Variants in NOPCHAP1 observed in about 807,000 individuals in gnomAD.
The protein encoded by NOPCHAP1 is NOP protein chaperone 1.
Under a neutral mutation model 14.0 loss-of-function variants are expected in NOPCHAP1, and 13 were observed. That is an observed-to-expected ratio of 0.93 (90% CI 0.60 to 1.47). The LOEUF is 1.47. NOPCHAP1 is among the 40% of genes most tolerant of loss of function. NOPCHAP1 has a pLI of 0.00. For synonymous variants in NOPCHAP1, 78 were observed against 78.4 expected, an observed-to-expected ratio of 1.00 and a Z score of 0.03; for missense variants, 230 against 226.9, an observed-to-expected ratio of 1.01 and a Z score of -0.09.
In NOPCHAP1 at chr12:104,986,378, C is replaced by A. The variant is rs935241447; in HGVS notation, c.26C>A (p.Ala9Asp). The change falls in exon 1 of 4, where the codon GCT (alanine) becomes GAT (aspartate). Residue 9 changes from alanine (A) to aspartate (D), a missense_variant. Physicochemically the swap from Ala to Asp is moderately radical, Grantham distance 126 (BLOSUM62 -2). Transcript: ENST00000552951. ...ATGGAGGTCCATGGCAAGCCCAAGG[C>A]TAGCCCGAGTTGTTCGTCGCCCACC... Reference protein sequence around the residue: MEVHGKPKASPSCSSPTRD... With the variant: MEVHGKPKDSPSCSSPTRD... 1.2e-6 allele frequency: 2 copies of A among 1,611,204 alleles called. No homozygotes were observed. The highest frequency in any genetic ancestry group is 8.5e-7 in the Non-Finnish European group (1 of 1,178,894).
rs574097587 is a variant in NOPCHAP1 at position 105,015,217 on chromosome 12, G to A, written c.*20521G>A. ...AAAGAGTACACCAGAACTGTACACA[G>A]CCGTGATGAGTTATTGGCATAGGTA... On this transcript the variant is annotated 3_prime_UTR_variant, in exon 4 of 4. Coordinates refer to ENST00000552951, the MANE Select transcript of NOPCHAP1 (RefSeq NM_152318.3). 2.0e-5 allele frequency: 3 copies of A among 152,308 alleles called. No individual in the cohort carries two copies. In the South Asian group the frequency reaches 6.2e-4, roughly 32 times the overall value. The allele number at this position is 152,308 out of a possible 1,614,324, so 9.4% of individuals were successfully genotyped here. A position where few individuals can be genotyped will look rare whatever the true frequency, so the allele number is the denominator to read the frequency against.
At chr12:104,989,604 A>T (rs1244027090) in intron 2 of NOPCHAP1, among the ~76,000 whole-genome samples, 1 of 151,922 alleles carries the variant, frequency 6.6e-6, no homozygotes, top group Admixed American at 6.6e-5. Context: ...TGCCCTTTGT[A>T]GTTTTCTTTG....
rs1482041045 is a variant in NOPCHAP1, at chr12:105,003,601, C to T, written c.*8905C>T. ...CATTCATTTGGTCACTAGGGTGCTC[C>T]TGGGCGGTTGTTGGAAGTCGCCTTT... On this transcript the variant is annotated 3_prime_UTR_variant, in exon 4 of 4. Transcript: ENST00000552951. 2 of 152,186 alleles carry T rather than the reference C, an allele frequency of 1.3e-5. No homozygotes were observed. Among genetic ancestry groups the T allele is most frequent in the East Asian group, 1.9e-4 (1 of 5,202 alleles). The allele number at this position is 152,186 out of a possible 1,614,324, so 9.4% of individuals were successfully genotyped here.
At position 104,995,077 on chromosome 12, in the gene NOPCHAP1, T is replaced by C. The variant is rs4318051; in HGVS notation, c.*381T>C. Reference sequence around the variant, plus strand: ...GATCTAAGGAGATCTAAGGCTGCCTTGTCCGATGGGCTGAGGCTTGGCTGT... The same window carrying C: ...GATCTAAGGAGATCTAAGGCTGCCTCGTCCGATGGGCTGAGGCTTGGCTGT... On this transcript the variant is annotated 3_prime_UTR_variant, in exon 4 of 4. Coordinates refer to ENST00000552951, the MANE Select transcript of NOPCHAP1 (RefSeq NM_152318.3). 0.28 allele frequency: 62,746 copies of C among 220,798 alleles called. 11,317 individuals are homozygous for C. Among genetic ancestry groups the C allele is most frequent in the African/African-American group, 0.56 (23,246 of 41,600 alleles). 13.7% of individuals were successfully genotyped at this position (220,798 alleles called of 1,614,324 possible). A position where few individuals can be genotyped will look rare whatever the true frequency, so the allele number is the denominator to read the frequency against.
Position 104,996,065 on chromosome 12 carries a change from G to C in NOPCHAP1, c.*1369G>C, listed in dbSNP as rs1304109772. The C allele has an allele frequency of 6.6e-6, 1 of 152,104 alleles. No homozygotes were observed. The highest frequency in any genetic ancestry group is 1.5e-5 in the Non-Finnish European group (1 of 68,022). 9.4% of individuals were successfully genotyped at this position (152,104 alleles called of 1,614,324 possible). A position where few individuals can be genotyped will look rare whatever the true frequency, so the allele number is the denominator to read the frequency against. On this transcript the variant is annotated 3_prime_UTR_variant, in exon 4 of 4. Transcript: ENST00000552951. ...TCAATTGCTGACCATTTTAGACTCT[G>C]ATAATAGGAGGTATTTATGGGGACT...
Position 105,000,157 on chromosome 12 carries a change from A to T in NOPCHAP1, c.*5461A>T, listed in dbSNP as rs1873581227. 1.3e-5 allele frequency: 2 copies of T among 152,208 alleles called. No homozygotes were observed. The highest frequency in any genetic ancestry group is 2.4e-5 in the African/African-American group (1 of 41,458). 9.4% of individuals were successfully genotyped at this position (152,208 alleles called of 1,614,324 possible). ...ATAGTCCCCAAGTCTTGAGTATGTGATACCTGGAAGCATAATATACCTTTT... is the reference window on the plus strand; with the variant it reads ...ATAGTCCCCAAGTCTTGAGTATGTGTTACCTGGAAGCATAATATACCTTTT... On this transcript the variant is annotated 3_prime_UTR_variant, in exon 4 of 4. Transcript: ENST00000552951.
At position 105,009,387 on chromosome 12, in the gene NOPCHAP1, C is replaced by G. The variant is rs1027095331; in HGVS notation, c.*14691C>G. ...TTTTGGGCTAAGATGATGGGGTTTT[C>G]TAAATATCATGTCATCTGCAAACAG... On this transcript the variant is annotated 3_prime_UTR_variant, in exon 4 of 4. Transcript: ENST00000552951. The G allele has an allele frequency of 2.0e-5, 3 of 151,940 alleles. No individual in the cohort carries two copies. The highest frequency in any genetic ancestry group is 4.4e-5 in the Non-Finnish European group (3 of 67,890). 9.4% of individuals were successfully genotyped at this position (151,940 alleles called of 1,614,324 possible).
At position 105,003,242 on chromosome 12, in the gene NOPCHAP1, A is replaced by T. The variant is rs558971934; in HGVS notation, c.*8546A>T. ...AACTTTCCCACTGTGGGCCACTGGA[A>T]TTCTAATTTTTTTTGTGTGTGTGTG... On this transcript the variant is annotated 3_prime_UTR_variant, in exon 4 of 4. Transcript: ENST00000552951. The T allele has an allele frequency of 6.6e-6, 1 of 152,330 alleles. No homozygotes were observed. Among genetic ancestry groups the T allele is most frequent in the East Asian group, 1.9e-4 (1 of 5,190 alleles). The allele number at this position is 152,330 out of a possible 1,614,324, so 9.4% of individuals were successfully genotyped here.
rs574386787 is a variant in NOPCHAP1, at chr12:105,008,161, G to A, written c.*13465G>A. On this transcript the variant is annotated 3_prime_UTR_variant, in exon 4 of 4. Coordinates refer to ENST00000552951, the MANE Select transcript of NOPCHAP1 (RefSeq NM_152318.3). ...TTTCTCCACATCCCCTCCAGCATCTGTTGTTTCCTGACTTTTTAATGATCG... is the reference window on the plus strand; with the variant it reads ...TTTCTCCACATCCCCTCCAGCATCTATTGTTTCCTGACTTTTTAATGATCG... 7 of 152,200 alleles carry A rather than the reference G, an allele frequency of 4.6e-5. No homozygotes were observed. Among genetic ancestry groups the A allele is most frequent in the African/African-American group, 1.7e-4 (7 of 41,444 alleles). The allele number at this position is 152,200 out of a possible 1,614,324, so 9.4% of individuals were successfully genotyped here.
In NOPCHAP1 at chr12:105,009,534, T is replaced by G. The variant is rs937035910; in HGVS notation, c.*14838T>G. 1 of 152,132 alleles carries G rather than the reference T, an allele frequency of 6.6e-6. No individual in the cohort carries two copies. Among genetic ancestry groups the G allele is most frequent in the African/African-American group, 2.4e-5 (1 of 41,436 alleles). 9.4% of individuals were successfully genotyped at this position (152,132 alleles called of 1,614,324 possible). Reference sequence around the variant, plus strand: ...GAGTGGTGAGAGAGGGCATCCTTGTTTTGTGCTGGTTTTCAAAGGGAATGC... The same window carrying G: ...GAGTGGTGAGAGAGGGCATCCTTGTGTTGTGCTGGTTTTCAAAGGGAATGC... On this transcript the variant is annotated 3_prime_UTR_variant, in exon 4 of 4. Transcript: ENST00000552951.
intron 1 of NOPCHAP1, 99 bp downstream of exon 1, chr12:104,986,566 C>G (rs1873241026): frequency 9.7e-7 from 1 of 1,026,808 alleles, no homozygotes; most frequent in African/African-American, 1.7e-5. Context: ...TGCCCGGGCT[C>G]CGTACCCTCG....
At position 105,002,034 on chromosome 12, in the gene NOPCHAP1, G is replaced by T. The variant is rs553377224; in HGVS notation, c.*7338G>T. 8.5e-5 allele frequency: 13 copies of T among 152,250 alleles called. No individual in the cohort carries two copies. The highest frequency in any genetic ancestry group is 4.2e-4 in the South Asian group (2 of 4,818). 9.4% of individuals were successfully genotyped at this position (152,250 alleles called of 1,614,324 possible). On this transcript the variant is annotated 3_prime_UTR_variant, in exon 4 of 4. Transcript: ENST00000552951. ...GTTAAGACCTTGTGGACTCATTCTA[G>T]TGGGGAAATAGTATGGCCCCAAGGA...
intron 3 of NOPCHAP1, among the ~76,000 whole-genome samples, 183 bp downstream of exon 3, chr12:104,992,031 G>GTT (rs998042485): frequency 1.3e-5 from 2 of 151,906 alleles, no homozygotes; most frequent in African/African-American, 4.8e-5. Context: ...TCACAGGAAG[G>GTT]TTTTTTTTCC....
At chr12:104,987,750 A>G (rs188514856) in intron 1 of NOPCHAP1, among the ~76,000 whole-genome samples, 23 of 152,318 alleles carry the variant, frequency 1.5e-4, no homozygotes, top group Admixed American at 1.4e-3. Context: ...ATGTTTTACT[A>G]ATGAAGAAAC....
rs1404647888 is a variant in NOPCHAP1, at chr12:105,016,077, T to C, written c.*21381T>C. 1 of 150,464 alleles carries C rather than the reference T, an allele frequency of 6.6e-6. No individual in the cohort carries two copies. The highest frequency in any genetic ancestry group is 2.1e-4 in the South Asian group (1 of 4,796). The allele number at this position is 150,464 out of a possible 1,614,324, so 9.3% of individuals were successfully genotyped here. A position where few individuals can be genotyped will look rare whatever the true frequency, so the allele number is the denominator to read the frequency against. Reference sequence around the variant, plus strand: ...ATTCATCCCCATAAATATTAAAAACTAGTGTGTTGCAAATAAATTCAAAAG... The same window carrying C: ...ATTCATCCCCATAAATATTAAAAACCAGTGTGTTGCAAATAAATTCAAAAG... On this transcript the variant is annotated 3_prime_UTR_variant, in exon 4 of 4. Coordinates refer to ENST00000552951, the MANE Select transcript of NOPCHAP1 (RefSeq NM_152318.3).
chr12:104,988,355 T>C, intron 2 of NOPCHAP1, 102 bp downstream of exon 2: 1 of 841,716 alleles, frequency 1.2e-6, no homozygotes, highest in Non-Finnish European at 1.9e-6. Context: ...AAACCACAGA[T>C]AGTCCAGTGG....
intron 2 of NOPCHAP1, among the ~76,000 whole-genome samples, chr12:104,991,032 G>T (rs1220269999): frequency 6.6e-6 from 1 of 152,164 alleles, no homozygotes; most frequent in African/African-American, 2.4e-5. Context: ...CAGTTTATCA[G>T]CAGCTTCAGC....
intron 2 of NOPCHAP1, among the ~76,000 whole-genome samples, chr12:104,990,743 G>A (rs1873357228): frequency 6.6e-6 from 1 of 152,160 alleles, no homozygotes; most frequent in Non-Finnish European, 1.5e-5. Context: ...CTCTTTTATG[G>A]ATTAGTACGC....
At position 104,996,260 on chromosome 12, in the gene NOPCHAP1, C is replaced by T. The variant is rs1275988425; in HGVS notation, c.*1564C>T. The T allele has an allele frequency of 1.3e-5, 2 of 152,134 alleles. No homozygotes were observed. The highest frequency in any genetic ancestry group is 1.9e-4 in the East Asian group (1 of 5,192). The allele number at this position is 152,134 out of a possible 1,614,324, so 9.4% of individuals were successfully genotyped here. A position where few individuals can be genotyped will look rare whatever the true frequency, so the allele number is the denominator to read the frequency against. Reference sequence around the variant, plus strand: ...TATTTGAGCATCAGTCAGTTCAGTTCATCCACTGGTACATCTGCATAGCTC... The same window carrying T: ...TATTTGAGCATCAGTCAGTTCAGTTTATCCACTGGTACATCTGCATAGCTC... On this transcript the variant is annotated 3_prime_UTR_variant, in exon 4 of 4. Transcript: ENST00000552951.
Sources: gnomAD v4.1 joint callset for allele counts (sites outside exome capture counted in the v4.1 genomes callset) on GRCh38, gnomAD v4.1.1 for gene constraint, MANE v1.5 for transcripts, NCBI Gene and HGNC (gene_info 2026-07-23, HGNC 2026-07-21) for gene names.